TMEM132A: variants seen among roughly 807,000 people sequenced by gnomAD.
TMEM132A encodes transmembrane protein 132A, also known as GRP78-binding protein.
In TMEM132A, 48 loss-of-function variants were observed where a neutral mutation model predicts 69.9. The ratio of observed to expected loss-of-function variants is 0.69; its 90% confidence interval spans 0.55 to 0.87. The LOEUF (loss-of-function observed/expected upper bound fraction) is 0.87. Among genes scored for constraint, TMEM132A ranks in the 40% least tolerant of loss-of-function variants. The pLI, the probability that TMEM132A is intolerant of heterozygous loss-of-function variation, is 0.00. For synonymous variants in TMEM132A, 577 were observed against 613.7 expected (o/e 0.94, Z 0.88); for missense variants, 1,287 against 1,407.2 (o/e 0.91, Z 1.37).
intron 8 of TMEM132A, 168 bp downstream of exon 8, chr11:60,933,912 CTG>C: frequency 1.6e-6 from 1 of 632,510 alleles, no homozygotes; most frequent in East Asian, 2.8e-5. Context: ...TGATCGCTTT[CTG>C]TGAAATTGCT....
intron 2 of TMEM132A, 90 bp downstream of exon 2, chr11:60,927,508 G>C: frequency 2.1e-6 from 3 of 1,439,388 alleles, no homozygotes; most frequent in Non-Finnish European, 2.8e-6. Context: ...CCCAGCCCCG[G>C]CTGTGCTCCC....
intron 1 of TMEM132A, chr11:60,926,900 G>A: frequency 4.3e-6 from 2 of 468,010 alleles, no homozygotes; most frequent in South Asian, 4.4e-5. Flanking sequence ...AGGAGTTGGG[G>A]AAAAGGAGAC....
At chr11:60,931,136 G>C (rs2134901604) in intron 5 of TMEM132A, among the ~76,000 whole-genome samples, 1 of 152,306 alleles carries the variant, frequency 6.6e-6, no homozygotes, top group South Asian at 2.1e-4. Flanking sequence ...GCAAAACCTT[G>C]GGCAAGCCAG....
At chr11:60,929,780 G>A (rs1167684718) in intron 4 of TMEM132A, among the ~76,000 whole-genome samples, 2 of 152,082 alleles carry the variant, frequency 1.3e-5, no homozygotes, top group Admixed American at 6.6e-5. Flanking sequence ...CATCTCCTAC[G>A]CCCTCCTATG....
Position 60,933,570 on chromosome 11 carries a change from T to G in TMEM132A, c.1385T>G (p.Val462Gly), listed in dbSNP as rs766252350. The G allele has an allele frequency of 4.4e-6, 7 of 1,607,878 alleles. No individual in the cohort carries two copies. Among genetic ancestry groups the G allele is most frequent in the Non-Finnish European group, 2.5e-6 (3 of 1,179,216 alleles). Residue 462 changes from valine to glycine, a missense_variant, in exon 8 of 11, where the codon GTG becomes GGG. Transcript: ENST00000453848. ...QVSEACDAVFVAGKESRGARG... is the reference protein window; with the variant it reads ...QVSEACDAVFGAGKESRGARG... ...TCTGAGGCCTGTGATGCCGTGTTCG[T>G]GGCTGGCAAGGAGAGCCGGGGCGCC...
In TMEM132A at chr11:60,935,516, G is replaced by A. The variant is rs1242981342; in HGVS notation, c.2028+73G>A. ...GGCTCATGGTAGAGGGGAATGGGAG[G>A]AAGGGACCCTGGTACCTCGACCCCT... On this transcript the variant is annotated intron_variant, in intron 10 of 10. Transcript: ENST00000453848. This position sits in a 1 kb window ranked among gnomAD's most constrained non-coding sequence, Gnocchi z 5.0. The A allele has an allele frequency of 2.7e-6, 4 of 1,458,950 alleles. No homozygotes were observed. The highest frequency in any genetic ancestry group is 1.3e-5 in the South Asian group (1 of 76,844). The allele number at this position is 1,458,950 out of a possible 1,614,324, so 90.4% of individuals were successfully genotyped here. A position where few individuals can be genotyped will look rare whatever the true frequency, so the allele number is the denominator to read the frequency against.
At position 60,935,281 on chromosome 11, in the gene TMEM132A, G is replaced by C. The variant is rs546604116; in HGVS notation, c.1866G>C (p.Leu622=). The C allele has an allele frequency of 4.3e-6, 7 of 1,611,966 alleles. No homozygotes were observed. In the African/African-American group the frequency reaches 8.0e-5, roughly 18 times the overall value. The change falls in exon 10 of 11, where the codon CTG becomes CTC. Residue 622 remains leucine (L), a synonymous_variant. Coordinates refer to ENST00000453848, the MANE Select transcript of TMEM132A (RefSeq NM_178031.3). This position sits in a 1 kb window ranked among gnomAD's most constrained non-coding sequence, Gnocchi z 5.0. ...EVRSPLSDSI[L]GEQALAVTDD... ...GTTCCCCACTGTCTGACTCCATCCT[G>C]GGGGAGCAGGCGCTGGCTGTGACGG...
chr11:60,935,106 T>C lies in TMEM132A; in HGVS notation c.1837-146T>C, dbSNP rs1856560580. The C allele has an allele frequency of 4.0e-6, 3 of 742,006 alleles. No homozygotes were observed. In the African/African-American group the frequency reaches 5.3e-5, roughly 13 times the overall value. The allele number at this position is 742,006 out of a possible 1,614,324, so 46.0% of individuals were successfully genotyped here. A position where few individuals can be genotyped will look rare whatever the true frequency, so the allele number is the denominator to read the frequency against. On this transcript the variant is annotated intron_variant, in intron 9 of 10. Transcript: ENST00000453848. The surrounding 1 kb of genome is among the most constrained non-coding windows in gnomAD (Gnocchi z 5.0). ...CCATGAGCCTGCTGGGAGTACCCGG[T>C]TCCCTCTGGGTGGGGGCTGTCCGTG...
At position 60,936,955 on chromosome 11, in the gene TMEM132A, A is replaced by G. The variant is rs757128192; in HGVS notation, c.*48A>G. The G allele has an allele frequency of 1.6e-5, 23 of 1,459,984 alleles. No individual in the cohort carries two copies. In the African/African-American group the frequency reaches 2.8e-4, roughly 18 times the overall value. 90.4% of individuals were successfully genotyped at this position (1,459,984 alleles called of 1,614,324 possible). A position where few individuals can be genotyped will look rare whatever the true frequency, so the allele number is the denominator to read the frequency against. On this transcript the variant is annotated 3_prime_UTR_variant, in exon 11 of 11. Transcript: ENST00000453848. The stretch of plus-strand genomic sequence containing the variant: ...CCACCAGCTGGGGCAACGAGGGTGG[A>G]GGTCCCACTGAGCCTCTCGCCTGCC...
chr11:60,927,621 C>G lies in TMEM132A; in HGVS notation c.316-20C>G, dbSNP rs1229054028. On this transcript the variant is annotated intron_variant, in intron 2 of 10. Coordinates refer to ENST00000453848, the MANE Select transcript of TMEM132A (RefSeq NM_178031.3). The stretch of plus-strand genomic sequence containing the variant: ...CCTCCCAAGCTCCTCTTTTGTTAAG[C>G]CCTCTCATTCTCCCTCCAGGTGGTC... 1 of 1,593,748 alleles carries G rather than the reference C, an allele frequency of 6.3e-7. No homozygotes were observed. The highest frequency in any genetic ancestry group is 8.6e-7 in the Non-Finnish European group (1 of 1,169,318).
At position 60,930,670 on chromosome 11, in the gene TMEM132A, T is replaced by G; in HGVS notation, c.1016+11T>G. 4 of 1,602,940 alleles carry G rather than the reference T, an allele frequency of 2.5e-6. No individual in the cohort carries two copies. Among genetic ancestry groups the G allele is most frequent in the Non-Finnish European group, 3.4e-6 (4 of 1,175,178 alleles). On this transcript the variant is annotated intron_variant, in intron 5 of 10. Coordinates refer to ENST00000453848, the MANE Select transcript of TMEM132A (RefSeq NM_178031.3). ...AGAGCCAGATTCCAGGTGGGCAGTTTCCCTCCACCCAGGGGGCAAAGGAGG... is the reference window on the plus strand; with the variant it reads ...AGAGCCAGATTCCAGGTGGGCAGTTGCCCTCCACCCAGGGGGCAAAGGAGG...
At chr11:60,932,175 C>T (rs1856496724) in intron 7 of TMEM132A, 48 bp downstream of exon 7, 2 of 1,502,892 alleles carry the variant, frequency 1.3e-6, no homozygotes, top group Non-Finnish European at 1.8e-6. Context: ...TGTGTGGGCA[C>T]AGTTACGCAC....
chr11:60,935,618 A>C lies in TMEM132A; in HGVS notation c.2028+175A>C. On this transcript the variant is annotated intron_variant, in intron 10 of 10. Coordinates refer to ENST00000453848, the MANE Select transcript of TMEM132A (RefSeq NM_178031.3). The surrounding 1 kb of genome is among the most constrained non-coding windows in gnomAD (Gnocchi z 5.0). ...CTGGAGGTGATCAAGCAGTGGCTGG[A>C]GTATGGCAGTGGGAGGTTGGTTAGA... 1.2e-6 allele frequency: 1 copy of C among 803,028 alleles called. No individual in the cohort carries two copies. The highest frequency in any genetic ancestry group is 1.8e-5 in the South Asian group (1 of 55,266). The allele number at this position is 803,028 out of a possible 1,614,324, so 49.7% of individuals were successfully genotyped here.
chr11:60,929,870 G>A lies in TMEM132A; in HGVS notation c.867-640G>A, dbSNP rs1016595345. On this transcript the variant is annotated intron_variant, in intron 4 of 10. Transcript: ENST00000453848. ...GTCTTCACTCTGCAGATCCAAACAC[G>A]AGCAAGGGCCAGTCCCTATCTGGCA... Among the ~76,000 whole-genome samples, 6 of 146,714 alleles carry A rather than the reference G, an allele frequency of 4.1e-5. No homozygotes were observed. The Admixed American group carries it at 4.2e-4, about 10-fold the overall frequency.
Position 60,935,259 on chromosome 11 carries a change from C to A in TMEM132A, c.1844C>A (p.Ser615Tyr). 6.2e-7 allele frequency: 1 copy of A among 1,608,478 alleles called. No individual in the cohort carries two copies. Among genetic ancestry groups the A allele is most frequent in the East Asian group, 2.2e-5 (1 of 44,754 alleles). ...GCTCCTTTCCACCCTCAGGTGCGTT[C>A]CCCACTGTCTGACTCCATCCTGGGG... is the stretch of plus-strand genomic sequence containing the variant. ...EPGVTSIEVRSPLSDSILGEQ... is the reference protein window; with the variant it reads ...EPGVTSIEVRYPLSDSILGEQ... The change falls in exon 10 of 11, where the codon TCC becomes TAC. Residue 615 changes from serine to tyrosine, a missense_variant. By Grantham distance (144) the Ser-to-Tyr change is moderately radical (BLOSUM62 -2). Transcript: ENST00000453848. The surrounding 1 kb of genome is among the most constrained non-coding windows in gnomAD (Gnocchi z 5.0).
At position 60,935,495 on chromosome 11, in the gene TMEM132A, C is replaced by T. The variant is rs746093026; in HGVS notation, c.2028+52C>T. ...AGGTCAACATCTCCAGATGGGGGCT[C>T]ATGGTAGAGGGGAATGGGAGGAAGG... On this transcript the variant is annotated intron_variant, in intron 10 of 10. Coordinates refer to ENST00000453848, the MANE Select transcript of TMEM132A (RefSeq NM_178031.3). The surrounding 1 kb of genome is among the most constrained non-coding windows in gnomAD (Gnocchi z 5.0). 1.2e-5 allele frequency: 19 copies of T among 1,530,450 alleles called. 1 individual carries two copies. Among genetic ancestry groups the T allele is most frequent in the South Asian group, 9.8e-5 (8 of 81,986 alleles). The allele number at this position is 1,530,450 out of a possible 1,614,324, so 94.8% of individuals were successfully genotyped here.
At chr11:60,929,199 G>C (rs1397412661) in intron 4 of TMEM132A, among the ~76,000 whole-genome samples, 1 of 152,234 alleles carries the variant, frequency 6.6e-6, no homozygotes, top group East Asian at 1.9e-4. Context: ...GCACCTCCCT[G>C]AGATTCCTTT....
chr11:60,934,821 A>G, intron 9 of TMEM132A, 57 bp downstream of exon 9: 1 of 1,513,340 alleles, frequency 6.6e-7, no homozygotes, highest in Non-Finnish European at 8.9e-7. Flanking sequence ...GGGGCCCCCA[A>G]AATGTTCGTG....
At position 60,936,022 on chromosome 11, in the gene TMEM132A, T is replaced by C. The variant is rs867414328; in HGVS notation, c.2187T>C (p.Ser729=). The change falls in exon 11 of 11, where the codon AGT becomes AGC. Residue 729 remains serine (S), a synonymous_variant. Transcript: ENST00000453848. ...GTGCCCAGCTCGGGGTGGTGGTGAG[T>C]GGGGCAGGCGCCGAGGGGCTGCCGC... ...EQGAQLGVVV[S]GAGAEGLPLH... 10 of 1,600,104 alleles carry C rather than the reference T, an allele frequency of 6.2e-6. No individual in the cohort carries two copies. The South Asian group carries it at 1.0e-4, about 16-fold the overall frequency.
Sources: gnomAD v4.1 joint callset for allele counts (sites outside exome capture counted in the v4.1 genomes callset) on GRCh38, gnomAD v4.1.1 for gene constraint, Gnocchi (gnomAD v3.1) non-coding constraint, MANE v1.5 for transcripts, NCBI Gene and HGNC (gene_info 2026-07-23, HGNC 2026-07-21) for gene names.